MYBPC2: variants seen among roughly 807,000 people sequenced by gnomAD.
MYBPC2 encodes the protein myosin binding protein C2.
MYBPC2 carries 122 observed loss-of-function variants against 137.0 expected under a neutral mutation model. The ratio of observed to expected loss-of-function variants is 0.89; its 90% CI spans 0.77 to 1.03. The LOEUF (loss-of-function observed/expected upper bound fraction) is 1.03, where lower values mean the gene tolerates loss of function less well. Ranked by LOEUF, MYBPC2 falls within the 50% of genes least tolerant of loss-of-function variation. The pLI is 0.00. For missense variants in MYBPC2, 1,500 were observed against 1,534.4 expected (o/e 0.98, Z 0.37); for synonymous variants, 626 against 612.3 (o/e 1.02, Z -0.33).
chr19:50,442,287 C>G lies in MYBPC2; in HGVS notation c.876C>G (p.Asn292Lys), dbSNP rs759118180. The change falls in exon 9 of 28, where the codon AAC becomes AAG. Residue 292 changes from asparagine (N) to lysine (K), a missense_variant. By Grantham distance (94) the Asn-to-Lys change is moderately conservative (BLOSUM62 0). Transcript: ENST00000357701. ...DPDLTLKWFK[N>K]GQEIKPSSKY... ...ACCTGACCCTCAAGTGGTTCAAGAA[C>G]GGCCAGGAGATCAAACCAAGCAGCA... 3 of 1,608,344 alleles carry G rather than the reference C, an allele frequency of 1.9e-6. No homozygotes were observed. The Admixed American group carries it at 5.1e-5, about 27-fold the overall frequency.
Position 50,459,314 on chromosome 19 carries a change from C to G in MYBPC2, c.2791+8C>G, listed in dbSNP as rs1362650364. 1.3e-6 allele frequency: 2 copies of G among 1,492,266 alleles called. No individual in the cohort carries two copies. Among genetic ancestry groups the G allele is most frequent in the Middle Eastern group, 3.7e-4 (2 of 5,430 alleles). 92.4% of individuals were successfully genotyped at this position (1,492,266 alleles called of 1,614,324 possible). ...TCCGCATCCGCGTTGTGGGTGCGCGCGCTGGGGAGGGCCCCTGGAGGCCGG... is the reference window on the plus strand; with the variant it reads ...TCCGCATCCGCGTTGTGGGTGCGCGGGCTGGGGAGGGCCCCTGGAGGCCGG... On this transcript the variant is annotated splice_region_variant and intron_variant, in intron 23 of 27. Coordinates refer to ENST00000357701, the MANE Select transcript of MYBPC2 (RefSeq NM_004533.4).
chr19:50,435,050 G>T lies in MYBPC2; in HGVS notation c.20-111G>T. The T allele has an allele frequency of 1.5e-6, 1 of 678,724 alleles. No individual in the cohort carries two copies. The highest frequency in any genetic ancestry group is 1.5e-5 in the South Asian group (1 of 64,526). The allele number at this position is 678,724 out of a possible 1,614,324, so 42.0% of individuals were successfully genotyped here. On this transcript the variant is annotated intron_variant, in intron 1 of 27. Transcript: ENST00000357701. This position sits in a 1 kb window ranked among gnomAD's most constrained non-coding sequence, Gnocchi z 4.8. ...TGAGGGAGGAGGGGCTGGGGGCCTG[G>T]ACTCCTGGGTCTGAGGGAGGAGGGG... is the stretch of plus-strand genomic sequence containing the variant.
chr19:50,448,930 A>G (rs747771248), intron 13 of MYBPC2, among the ~76,000 whole-genome samples: 1 of 151,934 alleles, frequency 6.6e-6, no homozygotes, highest in East Asian at 1.9e-4. Flanking sequence ...GAGTTTCACC[A>G]TGTTGGCCAG....
intron 16 of MYBPC2, 110 bp from the exon 17 acceptor site, chr19:50,453,910 T>G: frequency 2.4e-6 from 3 of 1,243,532 alleles, no homozygotes; most frequent in African/African-American, 1.5e-5. Flanking sequence ...GAGGACTCTG[T>G]GTGTTGATGG....
At chr19:50,452,893 A>G (rs763629055) in intron 16 of MYBPC2, among the ~76,000 whole-genome samples, 6 of 151,552 alleles carry the variant, frequency 4.0e-5, no homozygotes, top group Non-Finnish European at 8.8e-5. Flanking sequence ...CGTCCAACAA[A>G]TATTTTAACC....
At chr19:50,451,200 C>T (rs989680282) in intron 14 of MYBPC2, 80 bp from the exon 15 acceptor site, 2 of 1,537,622 alleles carry the variant, frequency 1.3e-6, no homozygotes, top group Non-Finnish European at 1.8e-6. Flanking sequence ...GACCCTGTCA[C>T]CTCTTCCTCT....
At chr19:50,451,337 G>A (rs781055619) in intron 15 of MYBPC2, 28 bp downstream of exon 15, 18 of 1,612,368 alleles carry the variant, frequency 1.1e-5, no homozygotes, top group East Asian at 4.5e-5. Flanking sequence ...CGCTGGGAGC[G>A]GGTCTGAGGG....
Position 50,455,532 on chromosome 19 carries a change from C to G in MYBPC2, c.2226C>G (p.His742Gln), listed in dbSNP as rs1380893882. Residue 742 changes from histidine to glutamine, a missense_variant, in exon 20 of 28, where the codon CAC becomes CAG. His to Gln is a conservative substitution (Grantham distance 24, BLOSUM62 0). Coordinates refer to ENST00000357701, the MANE Select transcript of MYBPC2 (RefSeq NM_004533.4). ...CAGCACCCACGAGTGAACCCCTGCA[C>G]CTGATAGTGGAGGATGTGACAGACA... ...MPIAPTSEPL[H>Q]LIVEDVTDTT... 2 of 1,613,896 alleles carry G rather than the reference C, an allele frequency of 1.2e-6. No homozygotes were observed. Among genetic ancestry groups the G allele is most frequent in the East Asian group, 4.5e-5 (2 of 44,874 alleles).
At chr19:50,433,348 A>C (rs1236949803) in intron 1 of MYBPC2, among the ~76,000 whole-genome samples, 1 of 149,892 alleles carries the variant, frequency 6.7e-6, no homozygotes, top group Admixed American at 6.6e-5. Flanking sequence ...CTTTTGCTTG[A>C]TGGGGATGGG....
intron 5 of MYBPC2, 65 bp from the exon 6 acceptor site, chr19:50,437,408 G>A: frequency 6.6e-7 from 1 of 1,513,856 alleles, no homozygotes; most frequent in Non-Finnish European, 9.0e-7. Flanking sequence ...CTGGAGAGGG[G>A]CTCTCAGTCT....
chr19:50,445,454 G>A (rs1305089447), intron 11 of MYBPC2, among the ~76,000 whole-genome samples: 2 of 149,656 alleles, frequency 1.3e-5, no homozygotes, highest in Non-Finnish European at 3.0e-5. Context: ...GTGCAATTGC[G>A]TGATCTTGGC....
chr19:50,432,916 G>T lies in MYBPC2; in HGVS notation c.-38G>T. On this transcript the variant is annotated 5_prime_UTR_variant, in exon 1 of 28. Transcript: ENST00000357701. The surrounding 1 kb of genome is among the most constrained non-coding windows in gnomAD (Gnocchi z 5.5). ...TGTCCTCCCTAGGGCCTAGCGGGAC[G>T]CGGCTGCGGTCAGAGGAGCAGGAGG... 1 of 1,602,166 alleles carries T rather than the reference G, an allele frequency of 6.2e-7. No individual in the cohort carries two copies. Among genetic ancestry groups the T allele is most frequent in the East Asian group, 2.3e-5 (1 of 44,418 alleles).
intron 16 of MYBPC2, among the ~76,000 whole-genome samples, 183 bp downstream of exon 16, chr19:50,452,186 C>T (rs59586325): frequency 0.017 from 2,659 of 152,286 alleles, 92 homozygotes; most frequent in African/African-American, 0.06. Context: ...GTGGATGCTC[C>T]ATCCATTCAT....
At chr19:50,445,746 G>T in intron 11 of MYBPC2, 134 bp from the exon 12 acceptor site, 1 of 862,978 alleles carries the variant, frequency 1.2e-6, no homozygotes, top group East Asian at 2.7e-5. Flanking sequence ...AGATGCCTCT[G>T]CCACTCATTA....
intron 8 of MYBPC2, among the ~76,000 whole-genome samples, chr19:50,441,308 T>C (rs2039753145): frequency 6.6e-6 from 1 of 152,176 alleles, no homozygotes; most frequent in Non-Finnish European, 1.5e-5. Flanking sequence ...CCATGTCAGT[T>C]TACCATGGCC....
At position 50,458,902 on chromosome 19, in the gene MYBPC2, G is replaced by A. The variant is rs1350628732; in HGVS notation, c.2507-16G>A. On this transcript the variant is annotated splice_polypyrimidine_tract_variant and intron_variant, in intron 21 of 27. Transcript: ENST00000357701. ...CGGCCCCCCGCTGAGCCCCCTCCCT[G>A]TGTTTGCGCCCTCAGAGCCACCCAA... is the stretch of plus-strand genomic sequence containing the variant. The A allele has an allele frequency of 3.1e-6, 5 of 1,607,196 alleles. No homozygotes were observed. The highest frequency in any genetic ancestry group is 3.3e-4 in the Middle Eastern group (2 of 6,046).
intron 1 of MYBPC2, 37 bp downstream of exon 1, chr19:50,433,009 C>T (rs372754411): frequency 1.9e-6 from 3 of 1,557,678 alleles, no homozygotes; most frequent in African/African-American, 1.4e-5. Context: ...GGGGATGGGG[C>T]TCTTCTTTTC....
At chr19:50,434,771 C>T (rs1378685389) in intron 1 of MYBPC2, among the ~76,000 whole-genome samples, 1 of 152,200 alleles carries the variant, frequency 6.6e-6, no homozygotes. Context: ...CGGCAAGGAA[C>T]AGCAGGCAGG....
At chr19:50,461,869 G>C (rs1386085570) in intron 25 of MYBPC2, 31 bp from the exon 26 acceptor site, 3 of 1,586,168 alleles carry the variant, frequency 1.9e-6, no homozygotes, top group Non-Finnish European at 1.7e-6. Context: ...ATCTAGATCA[G>C]TCGCCTTACG....
Sources: allele counts gnomAD v4.1 joint callset (sites outside exome capture counted in the v4.1 genomes callset), GRCh38; gene constraint gnomAD v4.1.1; non-coding constraint Gnocchi (gnomAD v3.1); transcripts MANE v1.5; gene names NCBI Gene and HGNC (gene_info 2026-07-23, HGNC 2026-07-21).